KLHL6: variants seen among roughly 807,000 people sequenced by gnomAD.
KLHL6 encodes kelch-like protein 6.
KLHL6 carries 41 observed loss-of-function variants against 58.6 expected under a neutral mutation model. The observed-to-expected ratio is 0.70, with a 90% CI of 0.55 to 0.91. KLHL6 has a LOEUF of 0.91. Among genes scored for constraint, KLHL6 ranks in the 40% least tolerant of loss-of-function variants. KLHL6 has a pLI of 0.00. For synonymous variants in KLHL6, 338 were observed against 322.7 expected (o/e 1.05, Z -0.51); for missense variants, 714 against 805.6 (o/e 0.89, Z 1.38).
intron 1 of KLHL6, among the ~76,000 whole-genome samples, chr3:183,531,600 C>A (rs925815137): frequency 3.8e-4 from 57 of 151,958 alleles, no homozygotes; most frequent in African/African-American, 1.3e-3. Flanking sequence ...GCTCCTGCCA[C>A]CACGCCTGGC....
chr3:183,509,402 T>C (rs1361930852), intron 2 of KLHL6, among the ~76,000 whole-genome samples: 1 of 152,242 alleles, frequency 6.6e-6, no homozygotes, highest in Non-Finnish European at 1.5e-5. Context: ...CATTGTGACC[T>C]TATTTTTATA....
At chr3:183,506,918 G>A (rs1356545419) in intron 3 of KLHL6, among the ~76,000 whole-genome samples, 1 of 151,570 alleles carries the variant, frequency 6.6e-6, no homozygotes, top group Non-Finnish European at 1.5e-5. Context: ...ACTGAGTTTT[G>A]AAGTAGGAGT....
chr3:183,533,792 C>T (rs1046073000), intron 1 of KLHL6, among the ~76,000 whole-genome samples: 2 of 152,020 alleles, frequency 1.3e-5, no homozygotes, highest in Non-Finnish European at 2.9e-5. Context: ...CCTTCCCCCT[C>T]TGTCCTTGTT....
intron 2 of KLHL6, among the ~76,000 whole-genome samples, chr3:183,527,486 C>A (rs574997603): frequency 1.3e-5 from 2 of 152,240 alleles, no homozygotes; most frequent in Non-Finnish European, 2.9e-5. Flanking sequence ...ACATCAGTAA[C>A]CCCAAACCAC....
chr3:183,550,292 T>A (rs76678414), intron 1 of KLHL6, among the ~76,000 whole-genome samples: 1,953 of 152,148 alleles, frequency 0.013, 35 homozygotes, highest in African/African-American at 0.045. Flanking sequence ...CCAGAAATAG[T>A]AAACAAGGAA....
chr3:183,538,946 A>G (rs1265475873), intron 1 of KLHL6, among the ~76,000 whole-genome samples: 1 of 152,234 alleles, frequency 6.6e-6, no homozygotes, highest in Non-Finnish European at 1.5e-5. Context: ...TCCCTGAACC[A>G]GCTGCATCAG....
Position 183,490,332 on chromosome 3 carries a change from C to T in KLHL6, c.*1595G>A, listed in dbSNP as rs890368312. On this transcript the variant is annotated 3_prime_UTR_variant, in exon 7 of 7. Coordinates refer to ENST00000341319, the MANE Select transcript of KLHL6 (RefSeq NM_130446.4). The stretch of plus-strand genomic sequence containing the variant: ...GGAGAATCTGTCGCTCCTGTGTAGG[C>T]CAGCTGTGCTCAGGTGTTTACTTTT... 6.6e-6 allele frequency: 1 copy of T among 152,118 alleles called. No homozygotes were observed. Among genetic ancestry groups the T allele is most frequent in the African/African-American group, 2.4e-5 (1 of 41,406 alleles). The allele number at this position is 152,118 out of a possible 1,614,324, so 9.4% of individuals were successfully genotyped here.
In KLHL6 at chr3:183,492,718, A is replaced by AAC; in HGVS notation, c.1351-12_1351-11insGT. ...AAGGAGGGGTGCGGCCTGTAGAGGC[A>AAC]CAGGGCACAAGAAGAAGCTGTCAGT... On this transcript the variant is annotated splice_polypyrimidine_tract_variant and intron_variant, in intron 5 of 6. Transcript: ENST00000341319. This position sits in a 1 kb window ranked among gnomAD's most constrained non-coding sequence, Gnocchi z 5.9. The AAC allele has an allele frequency of 6.2e-7, 1 of 1,612,278 alleles. No homozygotes were observed.
At chr3:183,546,322 C>A (rs996638857) in intron 1 of KLHL6, among the ~76,000 whole-genome samples, 1 of 152,294 alleles carries the variant, frequency 6.6e-6, no homozygotes, top group East Asian at 1.9e-4. Flanking sequence ...GCAGGCCTAG[C>A]AAATAGTTTT....
chr3:183,521,914 C>T (rs563117704), intron 2 of KLHL6: 13 of 149,990 alleles, frequency 8.7e-5, no homozygotes, highest in African/African-American at 2.9e-4. Context: ...AGGCTGGTCT[C>T]GAACTCCTGA....
rs144454173 is a variant in KLHL6 at position 183,495,906 on chromosome 3, G to A, written c.1148-1625C>T. On this transcript the variant is annotated intron_variant, in intron 4 of 6. Transcript: ENST00000341319. ...ACAGAAACGGACTAAAATATATACA[G>A]ATCATTAAATAAATGTTATTAGAAC... 1.4e-3 allele frequency among the ~76,000 whole-genome samples: 215 copies of A among 152,134 alleles called. 1 individual carries two copies. The highest frequency in any genetic ancestry group is 4.8e-3 in the African/African-American group (200 of 41,502).
chr3:183,501,963 C>T (rs1020018860), intron 3 of KLHL6, among the ~76,000 whole-genome samples: 9 of 152,094 alleles, frequency 5.9e-5, no homozygotes, highest in Non-Finnish European at 1.2e-4. Context: ...AGAATAGTAC[C>T]TGGAGCTTGT....
Position 183,508,343 on chromosome 3 carries a change from C to T in KLHL6, c.625G>A (p.Glu209Lys), listed in dbSNP as rs775106859. 2 of 1,614,226 alleles carry T rather than the reference C, an allele frequency of 1.2e-6. No homozygotes were observed. Among genetic ancestry groups the T allele is most frequent in the Non-Finnish European group, 1.7e-6 (2 of 1,180,046 alleles). ...GTGTCCACGGGCAGGTCAAGAAACT[C>T]CTCAGAGTTCAGAATCTGCACAAAG... is the stretch of plus-strand genomic sequence containing the variant. ...QNFVQILNSE[E>K]FLDLPVDTLH... Residue 209 changes from glutamate (E) to lysine (K), a missense_variant, in exon 3 of 7, where the codon GAG becomes AAG. By Grantham distance (56) the Glu-to-Lys change is moderately conservative (BLOSUM62 1). Transcript: ENST00000341319.
intron 1 of KLHL6, among the ~76,000 whole-genome samples, chr3:183,528,871 G>T (rs568170183): frequency 6.6e-6 from 1 of 152,002 alleles, no homozygotes; most frequent in Non-Finnish European, 1.5e-5. Context: ...AGCACTATTC[G>T]CAATAGCAAA....
In KLHL6 at chr3:183,555,374, T is replaced by G; in HGVS notation, c.280A>C (p.Ser94Arg). The G allele has an allele frequency of 6.2e-7, 1 of 1,614,036 alleles. No homozygotes were observed. The highest frequency in any genetic ancestry group is 8.5e-7 in the Non-Finnish European group (1 of 1,179,922). The part of the protein sequence containing the change: ...SCHRVVLAAA[S>R]NYFRAMFCND... ...AGGCATGCTGACCTGAAATAGTTGC[T>G]GGCTGCGGCAAGCACCACGCGGTGG... Residue 94 changes from serine (S) to arginine (R), a missense_variant, in exon 1 of 7, where the codon AGC (serine) becomes CGC (arginine). By Grantham distance (110) the Ser-to-Arg change is moderately radical (BLOSUM62 -1). Around this residue, in one of 2 missense-constraint regions of KLHL6, gnomAD observed 204 missense variants for 175.9 expected, o/e 1.16. Transcript: ENST00000341319.
chr3:183,510,521 C>G (rs1447438329), intron 2 of KLHL6, among the ~76,000 whole-genome samples: 1 of 152,134 alleles, frequency 6.6e-6, no homozygotes, highest in Non-Finnish European at 1.5e-5. Flanking sequence ...CTTTTTGGAT[C>G]AACCTCTATT....
intron 1 of KLHL6, among the ~76,000 whole-genome samples, chr3:183,529,324 ATTT>A (rs59900314): frequency 8.2e-5 from 12 of 146,730 alleles, no homozygotes; most frequent in Middle Eastern, 3.3e-3. Flanking sequence ...AGATATAGAG[ATTT>A]TTTTTTTTTT....
chr3:183,510,755 T>C lies in KLHL6; in HGVS notation c.460-2247A>G, dbSNP rs560066700. Among the ~76,000 whole-genome samples the C allele has an allele frequency of 2.0e-5, 3 of 152,108 alleles. No individual in the cohort carries two copies. The East Asian group carries it at 5.8e-4, about 29-fold the overall frequency. On this transcript the variant is annotated intron_variant, in intron 2 of 6. Coordinates refer to ENST00000341319, the MANE Select transcript of KLHL6 (RefSeq NM_130446.4). ...CAGGCGTGGTGGCACATGCCTGTAA[T>C]CCCAGCTACTCAGGAGGCTGCAGCA...
rs750405688 is a variant in KLHL6 at position 183,527,951 on chromosome 3, A to T, written c.353T>A (p.Val118Asp). 6.2e-7 allele frequency: 1 copy of T among 1,613,774 alleles called. No homozygotes were observed. Residue 118 changes from valine to aspartate, a missense_variant, in exon 2 of 7, where the codon GTT (valine) becomes GAT (aspartate). This residue lies in a region of KLHL6 where 204 missense variants were observed against 175.9 expected (regional missense o/e 1.16). Transcript: ENST00000341319. ...KYEKRIIIKGVDAETMHTLLD... is the reference protein window; with the variant it reads ...KYEKRIIIKGDDAETMHTLLD... ...CAGAGTGTGCATGGTCTCAGCATCA[A>T]CCCCTTTAATAATGATCCTTTTCTC...
Sources: allele counts gnomAD v4.1 joint callset (sites outside exome capture counted in the v4.1 genomes callset), GRCh38; gene constraint gnomAD v4.1.1; regional missense constraint gnomAD v4.1.1; non-coding constraint Gnocchi (gnomAD v3.1); transcripts MANE v1.5; gene names NCBI Gene and HGNC (gene_info 2026-07-23, HGNC 2026-07-21).